Variants in ABCC6 observed in about 807,000 individuals in gnomAD.
ABCC6 encodes ATP-binding cassette sub-family C member 6.
Under a neutral mutation model 169.5 loss-of-function variants are expected in ABCC6, and 126 were observed. That is an observed-to-expected ratio of 0.74 (90% CI 0.64 to 0.86). ABCC6 has a LOEUF of 0.86. ABCC6 is among the 40% of genes least tolerant of loss of function. The pLI is 0.00. For missense variants in ABCC6, 1,733 were observed against 1,927.2 expected, an observed-to-expected ratio of 0.90 and a Z score of 1.89; for synonymous variants, 752 against 814.7, an observed-to-expected ratio of 0.92 and a Z score of 1.31.
At chr16:16,178,658 CA>C in intron 18 of ABCC6, 139 bp downstream of exon 18, 1 of 983,706 alleles carries the variant, frequency 1.0e-6, no homozygotes, top group Non-Finnish European at 1.6e-6. Context: ...ATAGCATTGT[CA>C]CAGCAAAAGC....
Position 16,198,095 on chromosome 16 carries a change from C to G in ABCC6, c.1264G>C (p.Glu422Gln). 1 of 1,613,722 alleles carries G rather than the reference C, an allele frequency of 6.2e-7. No homozygotes were observed. Among genetic ancestry groups the G allele is most frequent in the South Asian group, 1.1e-5 (1 of 90,970 alleles). ...AGCCCGTTGAGGTAGAGGACGCTCT[C>G]GGTCAGCCGCTGCACGTCCACGGAC... Reference protein sequence around the residue: ...LVSVDVQRLTESVLYLNGLWL... With the variant: ...LVSVDVQRLTQSVLYLNGLWL... Residue 422 changes from glutamate (E) to glutamine (Q), a missense_variant, in exon 10 of 31, where the codon GAG becomes CAG. Around this residue, in one of 5 missense-constraint regions of ABCC6, gnomAD observed 1,601 missense variants for 1,635.5 expected, o/e 0.98. Transcript: ENST00000205557.
At chr16:16,195,303 ATTTTTTTTTTTTTTT>A (rs61393724) in intron 10 of ABCC6, among the ~76,000 whole-genome samples, 1 of 96,574 alleles carries the variant, frequency 1.0e-5, no homozygotes, top group Non-Finnish European at 2.0e-5. Flanking sequence ...GTCTCATCTA[ATTTTTTTTTTTTTTT>A]TTTTTTTTTT....
chr16:16,190,512 A>G (rs1441743272), intron 11 of ABCC6, 145 bp from the exon 12 acceptor site: 1 of 852,098 alleles, frequency 1.2e-6, no homozygotes, highest in African/African-American at 1.7e-5. Flanking sequence ...TCTGACCCTC[A>G]CTCCTGGTCC....
chr16:16,198,291 G>T, intron 9 of ABCC6, 109 bp from the exon 10 acceptor site: 1 of 1,250,568 alleles, frequency 8.0e-7, no homozygotes, highest in Non-Finnish European at 1.1e-6. Flanking sequence ...TGCGAGGTGG[G>T]TGAGTAAAGT....
chr16:16,183,159 C>G (rs978018042), intron 15 of ABCC6, among the ~76,000 whole-genome samples: 1 of 152,288 alleles, frequency 6.6e-6, no homozygotes, highest in East Asian at 1.9e-4. Context: ...CACATTTGCA[C>G]ACTCATACAA....
chr16:16,212,099 C>A (rs2048646939), intron 6 of ABCC6, 86 bp downstream of exon 6: 1 of 763,876 alleles, frequency 1.3e-6, no homozygotes, highest in Admixed American at 2.0e-5. Flanking sequence ...TTTGTAAGCA[C>A]AGGGGAAGGG....
chr16:16,190,170 T>C lies in ABCC6; in HGVS notation c.1629A>G (p.Thr543=). The C allele has an allele frequency of 1.2e-6, 2 of 1,613,110 alleles. No homozygotes were observed. Among genetic ancestry groups the C allele is most frequent in the South Asian group, 2.2e-5 (2 of 91,008 alleles). The change falls in exon 12 of 31, where the codon ACA becomes ACG. Residue 543 remains threonine, a synonymous_variant. Transcript: ENST00000205557. ...GAGACTAGAGTGACGTCACCAGAAATGTAGACACTTGGAAGGACACCAGCG... is the reference window on the plus strand; with the variant it reads ...GAGACTAGAGTGACGTCACCAGAAACGTAGACACTTGGAAGGACACCAGCG... ...SVSLVSFQVS[T]FLVALVVFAV...
intron 20 of ABCC6, among the ~76,000 whole-genome samples, chr16:16,174,825 A>G (rs975989387): frequency 7.2e-6 from 1 of 137,964 alleles, no homozygotes; most frequent in Non-Finnish European, 1.5e-5. Flanking sequence ...ATTTGGCACA[A>G]TCTCGGCTCA....
intron 6 of ABCC6, among the ~76,000 whole-genome samples, chr16:16,210,536 A>T (rs2048571500): frequency 6.6e-6 from 1 of 152,214 alleles, no homozygotes; most frequent in Non-Finnish European, 1.5e-5. Context: ...TTATTTTTGG[A>T]GTTCTCCTAT....
chr16:16,179,865 A>C (rs1285069802), intron 17 of ABCC6, among the ~76,000 whole-genome samples: 1 of 152,212 alleles, frequency 6.6e-6, no homozygotes, highest in Non-Finnish European at 1.5e-5. Context: ...TGCTGGGATT[A>C]CAGGCGTGAG....
intron 9 of ABCC6, among the ~76,000 whole-genome samples, chr16:16,200,288 G>A (rs533068988): frequency 6.6e-6 from 1 of 151,956 alleles, no homozygotes; most frequent in African/African-American, 2.4e-5. Context: ...AATTAGCCGG[G>A]CATGGTGGCG....
chr16:16,215,584 C>T (rs2048841799), intron 4 of ABCC6, among the ~76,000 whole-genome samples: 1 of 151,348 alleles, frequency 6.6e-6, no homozygotes, highest in Non-Finnish European at 1.5e-5. Context: ...AGCGATTCTC[C>T]TGCCTTAGCC....
chr16:16,174,755 T>A (rs1162369393), intron 20 of ABCC6, among the ~76,000 whole-genome samples: 1 of 85,688 alleles, frequency 1.2e-5, no homozygotes, highest in Non-Finnish European at 2.4e-5. Context: ...AGATTCTGTC[T>A]CAAAACCCCC....
intron 12 of ABCC6, among the ~76,000 whole-genome samples, chr16:16,189,906 C>T (rs1358936430): frequency 6.6e-6 from 1 of 152,162 alleles, no homozygotes; most frequent in Non-Finnish European, 1.5e-5. Context: ...TCTGTACCCT[C>T]CTCCCCACAT....
intron 7 of ABCC6, among the ~76,000 whole-genome samples, chr16:16,204,095 C>T (rs184490113): frequency 3.6e-4 from 54 of 150,658 alleles, no homozygotes; most frequent in African/African-American, 7.8e-4. Flanking sequence ...CTTGCTCTGT[C>T]GCCCAGGCTG....
chr16:16,188,225 C>CAAAA (rs34901331), intron 13 of ABCC6, among the ~76,000 whole-genome samples: 15 of 125,668 alleles, frequency 1.2e-4, no homozygotes, highest in African/African-American at 4.2e-4. Context: ...ACTAAAAATA[C>CAAAA]AAAAAAAAAA....
intron 9 of ABCC6, among the ~76,000 whole-genome samples, chr16:16,198,436 G>A (rs181766211): frequency 6.6e-5 from 10 of 152,254 alleles, no homozygotes; most frequent in Admixed American, 2.6e-4. Flanking sequence ...CACAGATAAC[G>A]GTGGTCATCT....
chr16:16,215,302 A>C (rs1454749961), intron 4 of ABCC6, among the ~76,000 whole-genome samples: 2 of 152,198 alleles, frequency 1.3e-5, no homozygotes, highest in Non-Finnish European at 2.9e-5. Context: ...GGACACGCAG[A>C]TGATCTGGTC....
At chr16:16,174,994 C>T (rs1028017445) in intron 20 of ABCC6, among the ~76,000 whole-genome samples, 2 of 151,430 alleles carry the variant, frequency 1.3e-5, no homozygotes, top group African/African-American at 2.4e-5. Context: ...AGGCTGGTCT[C>T]GAACTCCTGA....
Sources: gnomAD v4.1 joint callset for allele counts (sites outside exome capture counted in the v4.1 genomes callset) on GRCh38, gnomAD v4.1.1 for gene constraint, gnomAD v4.1.1 regional missense constraint, MANE v1.5 for transcripts, NCBI Gene and HGNC (gene_info 2026-07-23, HGNC 2026-07-21) for gene names.